The following PTCH1 variants were observed in gnomAD, a reference collection of about 807,000 sequenced individuals.
PTCH1 encodes protein patched homolog 1.
A neutral mutation model predicts 144.6 loss-of-function variants in PTCH1; 14 were observed. That is an observed-to-expected ratio of 0.10 (90% CI 0.06 to 0.15). PTCH1 has a LOEUF of 0.15. PTCH1 is among the 10% of genes least tolerant of loss of function. The pLI is 1.00. For synonymous variants in PTCH1, 833 were observed against 793.6 expected (o/e 1.05, Z -0.83); for missense variants, 1,623 against 1,948.3 (o/e 0.83, Z 3.14).
At position 95,449,787 on chromosome 9, in the gene PTCH1, G is replaced by A; in HGVS notation, c.3549+54C>T. The A allele has an allele frequency of 2.0e-6, 3 of 1,501,838 alleles. No individual in the cohort carries two copies. Among genetic ancestry groups the A allele is most frequent in the Non-Finnish European group, 2.8e-6 (3 of 1,080,466 alleles). The allele number at this position is 1,501,838 out of a possible 1,614,324, so 93.0% of individuals were successfully genotyped here. A position where few individuals can be genotyped will look rare whatever the true frequency, so the allele number is the denominator to read the frequency against. Reference sequence around the variant, plus strand: ...AGTATCGAAGTGAAGAGCGGCACAGGAAACACAGCATTCAGCCGGCCTACA... The same window carrying A: ...AGTATCGAAGTGAAGAGCGGCACAGAAAACACAGCATTCAGCCGGCCTACA... On this transcript the variant is annotated intron_variant, in intron 21 of 23. Transcript: ENST00000331920. The surrounding 1 kb of genome is among the most constrained non-coding windows in gnomAD (Gnocchi z 5.3).
intron 15 of PTCH1, among the ~76,000 whole-genome samples, chr9:95,466,304 C>T (rs1256410938): frequency 6.6e-6 from 1 of 152,194 alleles, no homozygotes; most frequent in South Asian, 2.1e-4. Flanking sequence ...GCCTTGGCAT[C>T]CCAAAGTGCT....
chr9:95,501,264 C>G (rs988392150), intron 2 of PTCH1, among the ~76,000 whole-genome samples: 37 of 151,170 alleles, frequency 2.4e-4, no homozygotes, highest in African/African-American at 8.9e-4. Context: ...GAGGGTGCTA[C>G]TGGCATCTAG....
rs754826635 is a variant in PTCH1, at chr9:95,447,065, G to A, written c.4191C>T (p.Leu1397=). 28 of 1,614,022 alleles carry A rather than the reference G, an allele frequency of 1.7e-5. No homozygotes were observed. The highest frequency in any genetic ancestry group is 2.0e-5 in the Non-Finnish European group (24 of 1,180,044). The change falls in exon 23 of 24, where the codon CTC becomes CTT. Residue 1397 remains leucine, a synonymous_variant. Coordinates refer to ENST00000331920, the MANE Select transcript of PTCH1 (RefSeq NM_000264.5). ...GGTCAGTCTCAGGGTAGCCTGGGCA[G>A]AGTCCCCCTCGGGGGTTCCGCCCAG... ...PGPGRNPRGG[L]CPGYPETDHG... is the part of the protein sequence containing the mutation.
chr9:95,505,848 A>G (rs1843541799), intron 2 of PTCH1, among the ~76,000 whole-genome samples: 1 of 149,540 alleles, frequency 6.7e-6, no homozygotes, highest in Admixed American at 6.6e-5. Context: ...AAACAGGACC[A>G]CACACGCCGC....
chr9:95,462,920 A>G (rs1238950677), intron 15 of PTCH1, among the ~76,000 whole-genome samples: 3 of 152,120 alleles, frequency 2.0e-5, no homozygotes, highest in African/African-American at 7.2e-5. Context: ...GTTGGAAGAG[A>G]AAACAGGGCC....
chr9:95,469,127 A>T lies in PTCH1; in HGVS notation c.1874T>A (p.Val625Asp), dbSNP rs1175793715. The T allele has an allele frequency of 6.2e-7, 1 of 1,613,958 alleles. No homozygotes were observed. Among genetic ancestry groups the T allele is most frequent in the Admixed American group, 1.7e-5 (1 of 60,004 alleles). ...TGTGTCGGTGTAGGCCTGAGGTTCA[A>T]CCTGAATCACTCTGCTGACGCAGGG... ...TSPCVSRVIQVEPQAYTDTHD... is the reference protein window; with the variant it reads ...TSPCVSRVIQDEPQAYTDTHD... Residue 625 changes from valine (V) to aspartate (D), a missense_variant, in exon 14 of 24, where the codon GTT (valine) becomes GAT (aspartate). By Grantham distance (152) the Val-to-Asp change is radical. Around this residue, in one of 7 missense-constraint regions of PTCH1, gnomAD observed 179 missense variants for 165.7 expected, o/e 1.08. Coordinates refer to ENST00000331920, the MANE Select transcript of PTCH1 (RefSeq NM_000264.5).
rs1267930614 is a variant in PTCH1 at position 95,508,861 on chromosome 9, C to G, written c.-500G>C. 1 of 980,208 alleles carries G rather than the reference C, an allele frequency of 1.0e-6. No homozygotes were observed. The highest frequency in any genetic ancestry group is 1.8e-5 in the African/African-American group (1 of 56,778). The allele number at this position is 980,208 out of a possible 1,614,324, so 60.7% of individuals were successfully genotyped here. ...GCCTCCCGGGTCGCCCGAGCGGCCG[C>G]GGAGGGCAAGCGCAGAGCCGCCGCC... On this transcript the variant is annotated 5_prime_UTR_variant, in exon 1 of 24. Transcript: ENST00000331920.
At chr9:95,516,922 A>G in exon 1 of PTCH1, 1 of 993,444 alleles carries the variant, frequency 1.0e-6, no homozygotes, top group Admixed American at 2.6e-5. Flanking sequence ...CAAGGAAAGC[A>G]AAGTAAACTC....
At position 95,476,625 on chromosome 9, in the gene PTCH1, C is replaced by T. The variant is rs1406528981; in HGVS notation, c.1602+134G>A. ...TCTTCCAGCTTATTTCATTGACTGG[C>T]AGCCAGTGACACATCATCTGACATG... is the stretch of plus-strand genomic sequence containing the variant. On this transcript the variant is annotated intron_variant, in intron 11 of 23. Coordinates refer to ENST00000331920, the MANE Select transcript of PTCH1 (RefSeq NM_000264.5). The surrounding 1 kb of genome is among the most constrained non-coding windows in gnomAD (Gnocchi z 4.6). The T allele has an allele frequency of 4.7e-6, 4 of 858,226 alleles. No individual in the cohort carries two copies. The highest frequency in any genetic ancestry group is 5.8e-6 in the Non-Finnish European group (3 of 521,400). The allele number at this position is 858,226 out of a possible 1,614,324, so 53.2% of individuals were successfully genotyped here.
chr9:95,477,778 C>T (rs1437029917), intron 9 of PTCH1, 76 bp from the exon 10 acceptor site: 1 of 1,567,952 alleles, frequency 6.4e-7, no homozygotes, highest in Non-Finnish European at 8.7e-7. Flanking sequence ...TTTCCCTCCA[C>T]CCATCACCCC....
rs768215021 is a variant in PTCH1 at position 95,456,321 on chromosome 9, G to T, written c.3261C>A (p.Ile1087=). The change falls in exon 19 of 24, where the codon ATC becomes ATA. Residue 1087 remains isoleucine, a synonymous_variant. Coordinates refer to ENST00000331920, the MANE Select transcript of PTCH1 (RefSeq NM_000264.5). Reference sequence around the variant, plus strand: ...ACTCCACTCCTATGCCAACAGAAGCGATCAGGATGACCACGGGCACGGCAC... The same window carrying T: ...ACTCCACTCCTATGCCAACAGAAGCTATCAGGATGACCACGGGCACGGCAC... ...KLSAVPVVIL[I]ASVGIGVEFT... is the part of the protein sequence containing the mutation. 1.2e-6 allele frequency: 2 copies of T among 1,614,068 alleles called. No individual in the cohort carries two copies. The highest frequency in any genetic ancestry group is 1.7e-6 in the Non-Finnish European group (2 of 1,180,044).
intron 2 of PTCH1, 37 bp downstream of exon 2, chr9:95,506,370 G>T (rs543169448): frequency 6.2e-7 from 1 of 1,600,772 alleles, no homozygotes; most frequent in Non-Finnish European, 8.5e-7. Context: ...AGGAGGGACC[G>T]GGCCGGGGGC....
intron 14 of PTCH1, among the ~76,000 whole-genome samples, chr9:95,468,152 C>T (rs908911691): frequency 3.9e-5 from 6 of 152,166 alleles, no homozygotes; most frequent in South Asian, 2.1e-4. Context: ...ACTGTAGCCT[C>T]GACTCCCTGG....
Position 95,469,906 on chromosome 9 carries a change from A to C in PTCH1, c.1754T>G (p.Phe585Cys), listed in dbSNP as rs1247050005. Residue 585 changes from phenylalanine (F) to cysteine (C), a missense_variant, in exon 13 of 24, where the codon TTT becomes TGT. Phe to Cys is a radical substitution (Grantham distance 205). Coordinates refer to ENST00000331920, the MANE Select transcript of PTCH1 (RefSeq NM_000264.5). ...LQAAVVVVFN[F>C]AMVLLIFPAI... The stretch of plus-strand genomic sequence containing the variant: ...AGGAAAAATGAGCAGAACCATGGCA[A>C]AATTGAACACCACTACTACCGCTGC... 6.2e-7 allele frequency: 1 copy of C among 1,614,044 alleles called. No homozygotes were observed. The highest frequency in any genetic ancestry group is 8.5e-7 in the Non-Finnish European group (1 of 1,180,026).
rs903711647 is a variant in PTCH1, at chr9:95,506,654, C to A, written c.202-55G>T. 2.2e-6 allele frequency: 3 copies of A among 1,345,186 alleles called. No individual in the cohort carries two copies. In the African/African-American group the frequency reaches 4.4e-5, roughly 20 times the overall value. The allele number at this position is 1,345,186 out of a possible 1,614,324, so 83.3% of individuals were successfully genotyped here. ...CGCCGGGGAGTCGCGGCCCGCGCGC[C>A]CACGCCCGCTTGCGCGCACCCGCCC... On this transcript the variant is annotated intron_variant, in intron 1 of 23. Transcript: ENST00000331920.
rs1166276004 is a variant in PTCH1 at position 95,447,421 on chromosome 9, G to C, written c.3835C>G (p.Pro1279Ala). 1.0e-5 allele frequency: 16 copies of C among 1,602,218 alleles called. No individual in the cohort carries two copies. Among genetic ancestry groups the C allele is most frequent in the Non-Finnish European group, 1.4e-5 (16 of 1,174,962 alleles). ...TGGGGCTGCTGTCTCGGGTTCGAGG[G>C]TGGGTGATGCCTGGATTCGGGATGG... ...VVHPESRHHP[P>A]SNPRQQPHLD... The change falls in exon 23 of 24, where the codon CCC (proline) becomes GCC (alanine). Residue 1279 changes from proline (P) to alanine (A), a missense_variant. This residue lies in a region of PTCH1 where 291 missense variants were observed against 287.4 expected (regional missense o/e 1.01). Coordinates refer to ENST00000331920, the MANE Select transcript of PTCH1 (RefSeq NM_000264.5).
chr9:95,456,117 A>G (rs1838898833), intron 19 of PTCH1, among the ~76,000 whole-genome samples, 159 bp downstream of exon 19: 1 of 152,178 alleles, frequency 6.6e-6, no homozygotes, highest in Admixed American at 6.5e-5. Context: ...AGGGAAAGGA[A>G]TCCAGAAATC....
chr9:95,467,581 A>C (rs567983080), intron 14 of PTCH1, among the ~76,000 whole-genome samples, 156 bp from the exon 15 acceptor site: 2 of 152,342 alleles, frequency 1.3e-5, no homozygotes, highest in African/African-American at 4.8e-5. Context: ...GGATAAAATC[A>C]TAGTAATCGC....
At chr9:95,462,062 G>A (rs1839527921) in intron 15 of PTCH1, 64 bp from the exon 16 acceptor site, 3 of 1,604,834 alleles carry the variant, frequency 1.9e-6, no homozygotes, top group Non-Finnish European at 2.6e-6. Context: ...GGTCCTAGCG[G>A]GGTGGGCTGA....
Sources: gnomAD v4.1 joint callset for allele counts (sites outside exome capture counted in the v4.1 genomes callset) on GRCh38, gnomAD v4.1.1 for gene constraint, gnomAD v4.1.1 regional missense constraint, Gnocchi (gnomAD v3.1) non-coding constraint, MANE v1.5 for transcripts, NCBI Gene and HGNC (gene_info 2026-07-23, HGNC 2026-07-21) for gene names.